CDC27: variants seen among roughly 807,000 people sequenced by gnomAD.
The protein encoded by CDC27 is cell division cycle protein 27 homolog.
CDC27 carries 27 observed loss-of-function variants against 109.7 expected under a neutral mutation model. The ratio of observed to expected loss-of-function variants is 0.25; its 90% confidence interval spans 0.18 to 0.34. The LOEUF (loss-of-function observed/expected upper bound fraction) is 0.34. Ranked by LOEUF, CDC27 falls within the 10% of genes least tolerant of loss-of-function variation. The pLI is 1.00. For missense variants in CDC27, 579 were observed against 960.2 expected (o/e 0.60, Z 5.25); for synonymous variants, 266 against 333.9 (o/e 0.80, Z 2.22).
At position 47,123,143 on chromosome 17, in the gene CDC27, T is replaced by C. The variant is rs552783866; in HGVS notation, c.2236-543A>G. On this transcript the variant is annotated intron_variant, in intron 17 of 18. Transcript: ENST00000066544. Reference sequence around the variant, plus strand: ...TTGCTTCTATCTTTCAGGTAGTAAGTTTCCAATAAATATCACTCTGACTGG... The same window carrying C: ...TTGCTTCTATCTTTCAGGTAGTAAGCTTCCAATAAATATCACTCTGACTGG... Among the ~76,000 whole-genome samples, 15 of 152,322 alleles carry C rather than the reference T, an allele frequency of 9.8e-5. No homozygotes were observed. In the South Asian group the frequency reaches 2.1e-3, roughly 21 times the overall value.
chr17:47,157,670 A>G (rs1567686981), intron 5 of CDC27, among the ~76,000 whole-genome samples: 2 of 152,336 alleles, frequency 1.3e-5, no homozygotes, highest in East Asian at 3.9e-4. Flanking sequence ...TTTAAAGCTG[A>G]AAATAACTAG....
At chr17:47,159,517 T>C in intron 4 of CDC27, 1 of 519,874 alleles carries the variant, frequency 1.9e-6, no homozygotes, top group Admixed American at 3.4e-5. Context: ...CGCAGTGGCC[T>C]GTCACCTTGC....
At chr17:47,126,944 C>T (rs1649846679) in intron 16 of CDC27, among the ~76,000 whole-genome samples, 1 of 152,066 alleles carries the variant, frequency 6.6e-6, no homozygotes, top group Non-Finnish European at 1.5e-5. Context: ...CAGGAGTGCA[C>T]CACCAGGCCC....
Position 47,120,320 on chromosome 17 carries a change from A to G in CDC27, c.*615T>C. ...TTAAAGCATTCTTGCCAAGAATAAG[A>G]GTACACTGTATGGAGGGATATTTGA... On this transcript the variant is annotated 3_prime_UTR_variant, in exon 19 of 19. Coordinates refer to ENST00000066544, the MANE Select transcript of CDC27 (RefSeq NM_001256.6). 6.5e-6 allele frequency: 1 copy of G among 152,700 alleles called. No individual in the cohort carries two copies. Among genetic ancestry groups the G allele is most frequent in the East Asian group, 1.9e-4 (1 of 5,208 alleles). 9.5% of individuals were successfully genotyped at this position (152,700 alleles called of 1,614,324 possible). A position where few individuals can be genotyped will look rare whatever the true frequency, so the allele number is the denominator to read the frequency against.
At chr17:47,160,584 T>C (rs1286912645) in intron 4 of CDC27, among the ~76,000 whole-genome samples, 1 of 152,170 alleles carries the variant, frequency 6.6e-6, no homozygotes, top group East Asian at 1.9e-4. Context: ...GTGAGACCAA[T>C]TAAAGCATTC....
intron 1 of CDC27, among the ~76,000 whole-genome samples, chr17:47,187,900 A>C (rs1043049991): frequency 6.6e-6 from 1 of 151,976 alleles, no homozygotes; most frequent in African/African-American, 2.4e-5. Flanking sequence ...ATTTGGATGG[A>C]AATAGCTCTA....
intron 9 of CDC27, among the ~76,000 whole-genome samples, chr17:47,148,447 A>G (rs1401704134): frequency 6.6e-6 from 1 of 152,170 alleles, no homozygotes; most frequent in Non-Finnish European, 1.5e-5. Context: ...ACTTCAAGCA[A>G]TCTAATATAC....
chr17:47,158,536 T>C (rs762450197), intron 4 of CDC27, among the ~76,000 whole-genome samples: 1 of 152,150 alleles, frequency 6.6e-6, no homozygotes, highest in Non-Finnish European at 1.5e-5. Context: ...TCTTGAATAT[T>C]ACTATTACTT....
rs1555560988 is a variant in CDC27 at position 47,180,945 on chromosome 17, T to TCAAAAAAA, written c.103+616_103+617insTTTTTTTG. On this transcript the variant is annotated intron_variant, in intron 2 of 18. Coordinates refer to ENST00000066544, the MANE Select transcript of CDC27 (RefSeq NM_001256.6). ...CACCATAGAATACAGACTCTTTTCT[T>TCAAAAAAA]AAAAAAAAAAAAAAAAAAAAAAAAT... 7.1e-4 allele frequency among the ~76,000 whole-genome samples: 79 copies of TCAAAAAAA among 111,668 alleles called. 1 individual carries two copies. The highest frequency in any genetic ancestry group is 1.3e-3 in the African/African-American group (37 of 28,912). The allele number at this position is 111,668 out of a possible 152,430, so 73.3% of individuals were successfully genotyped here.
chr17:47,125,568 T>C (rs911665228), intron 16 of CDC27, among the ~76,000 whole-genome samples: 15 of 147,838 alleles, frequency 1.0e-4, no homozygotes, highest in Admixed American at 2.7e-4. Flanking sequence ...TTTTTTTTTT[T>C]CCCTGAGATG....
At chr17:47,126,690 G>A (rs2062150704) in intron 16 of CDC27, among the ~76,000 whole-genome samples, 1 of 152,098 alleles carries the variant, frequency 6.6e-6, no homozygotes, top group African/African-American at 2.4e-5. Flanking sequence ...ATCTAAAGAG[G>A]TACATAAAGC....
At chr17:47,156,745 G>T (rs910728470) in intron 7 of CDC27, 168 bp downstream of exon 7, 13 of 424,970 alleles carry the variant, frequency 3.1e-5, no homozygotes, top group Non-Finnish European at 5.0e-5. Context: ...ACCGCACCTG[G>T]CAACATCACT....
At chr17:47,186,311 T>G (rs1598625350) in intron 1 of CDC27, among the ~76,000 whole-genome samples, 1 of 152,196 alleles carries the variant, frequency 6.6e-6, no homozygotes, top group Admixed American at 6.5e-5. Context: ...CCCTGAACAT[T>G]TTATCCCCAG....
chr17:47,125,321 G>GCTA (rs555071811), intron 16 of CDC27, among the ~76,000 whole-genome samples: 25 of 122,802 alleles, frequency 2.0e-4, no homozygotes, highest in African/African-American at 7.8e-4. Flanking sequence ...ATCTTGGCTC[G>GCTA]CTACAACCTC....
At chr17:47,124,178 A>AACACACACACACACACACACAC (rs59790354) in intron 16 of CDC27, among the ~76,000 whole-genome samples, 4 of 144,500 alleles carry the variant, frequency 2.8e-5, no homozygotes, top group African/African-American at 7.7e-5. Context: ...GTACACTGAA[A>AACACACACACACACACACACAC]ACACACACAC....
chr17:47,123,771 G>T, intron 17 of CDC27, 115 bp downstream of exon 17: 2 of 634,778 alleles, frequency 3.2e-6, no homozygotes, highest in South Asian at 2.9e-5. Context: ...ACTCAGTTCG[G>T]AGCTTTAGTT....
chr17:47,152,356 A>G (rs221597), intron 8 of CDC27, among the ~76,000 whole-genome samples: 53,792 of 151,966 alleles, frequency 0.35, 10,074 homozygotes, highest in Admixed American at 0.43. Context: ...CTCCTTTGGC[A>G]CTTGGTAACA....
chr17:47,185,196 T>A (rs912876003), intron 1 of CDC27, among the ~76,000 whole-genome samples: 1 of 152,152 alleles, frequency 6.6e-6, no homozygotes, highest in African/African-American at 2.4e-5. Flanking sequence ...TCTTTTTTTT[T>A]GAGACAGAGT....
At chr17:47,184,772 G>A (rs1228635093) in intron 1 of CDC27, among the ~76,000 whole-genome samples, 1 of 152,140 alleles carries the variant, frequency 6.6e-6, no homozygotes, top group Non-Finnish European at 1.5e-5. Context: ...GGATTGGGGG[G>A]AAGAACAGAT....
Sources: gnomAD v4.1 joint callset for allele counts (sites outside exome capture counted in the v4.1 genomes callset) on GRCh38, gnomAD v4.1.1 for gene constraint, MANE v1.5 for transcripts, NCBI Gene and HGNC (gene_info 2026-07-23, HGNC 2026-07-21) for gene names.